The following USP9Y variants were observed in gnomAD, a reference collection of about 807,000 sequenced individuals.
USP9Y encodes the protein ubiquitin carboxyl-terminal hydrolase 9Y.
Under a neutral mutation model 53.1 loss-of-function variants are expected in USP9Y, and 41 were observed. That is an observed-to-expected ratio of 0.77 (90% CI 0.60 to 1.00). The LOEUF (loss-of-function observed/expected upper bound fraction) is 1.00, where lower values mean the gene tolerates loss of function less well. USP9Y is among the 50% of genes least tolerant of loss of function. The pLI is 0.00. For synonymous variants in USP9Y, 220 were observed against 173.7 expected (o/e 1.27, Z -2.09); for missense variants, 567 against 535.8 (o/e 1.06, Z -0.58).
intron 38 of USP9Y, among the ~76,000 whole-genome samples, chrY:12,842,679 G>A (rs941801415): frequency 1.8e-4 from 6 of 32,956 alleles, no homozygotes; most frequent in Non-Finnish European, 3.7e-4. Flanking sequence ...AATTCCTTTT[G>A]TGTATTCAAT....
intron 7 of USP9Y, 138 bp from the exon 8 acceptor site, chrY:12,735,474 G>C: frequency 7.5e-6 from 1 of 132,549 alleles, no homozygotes; most frequent in Non-Finnish European, 1.4e-5. Flanking sequence ...AACATGTCTT[G>C]TACTCTTTTT....
At chrY:12,842,991 A>G (rs2053563545) in intron 38 of USP9Y, 73 bp from the exon 39 acceptor site, 1 of 350,626 alleles carries the variant, frequency 2.9e-6, no homozygotes, top group African/African-American at 6.7e-5. Context: ...GTATAGGAAC[A>G]TAACCTTTTG....
intron 33 of USP9Y, among the ~76,000 whole-genome samples, chrY:12,823,710 TA>T (rs1190145206): frequency 3.0e-5 from 1 of 33,142 alleles, no homozygotes. Flanking sequence ...ACATAATAAA[TA>T]AAATTTTATA....
chrY:12,822,074 T>C (rs2148290243), intron 33 of USP9Y, among the ~76,000 whole-genome samples: 4 of 34,295 alleles, frequency 1.2e-4, no homozygotes, highest in African/African-American at 4.5e-4. Flanking sequence ...TCTTGAAATA[T>C]GTGAAGTGTA....
At chrY:12,762,740 A>G in intron 15 of USP9Y, among the ~76,000 whole-genome samples, 4 of 33,793 alleles carry the variant, frequency 1.2e-4, no homozygotes, top group Non-Finnish European at 2.2e-4. Context: ...AATACTTTCT[A>G]GAACATAGTA....
chrY:12,795,985 A>G (rs2148287489), intron 27 of USP9Y, among the ~76,000 whole-genome samples: 1 of 33,597 alleles, frequency 3.0e-5, no homozygotes, highest in East Asian at 7.9e-4. Flanking sequence ...ACCTGTGACC[A>G]TGTTAGCTAT....
In USP9Y at chrY:12,776,858, G is replaced by A. The variant is rs761097997; in HGVS notation, c.2637G>A (p.Ser879=). 2 of 388,764 alleles carry A rather than the reference G, an allele frequency of 5.1e-6. No individual in the cohort carries two copies. The highest frequency in any genetic ancestry group is 6.4e-5 in the African/African-American group (1 of 15,637). Residue 879 remains serine (S), a splice_region_variant and synonymous_variant, in exon 19 of 46, where the codon TCG becomes TCA. Coordinates refer to ENST00000338981, the MANE Select transcript of USP9Y (RefSeq NM_004654.4). ...AGGAAAGAATGATTCTACCTATGTCGAGGTTTGTGTGAAGTTGATCTCTAG... is the reference window on the plus strand; with the variant it reads ...AGGAAAGAATGATTCTACCTATGTCAAGGTTTGTGTGAAGTTGATCTCTAG... The part of the protein sequence containing the change: ...YHKERMILPM[S]RAFRGKHLSL...
At chrY:12,733,968 C>T in intron 7 of USP9Y, among the ~76,000 whole-genome samples, 2 of 33,591 alleles carry the variant, frequency 6.0e-5, no homozygotes, top group Admixed American at 2.7e-4. Flanking sequence ...TGAGACTTTC[C>T]GTGAGTCTTT....
intron 42 of USP9Y, among the ~76,000 whole-genome samples, chrY:12,855,765 T>A: frequency 3.1e-5 from 1 of 32,755 alleles, no homozygotes; most frequent in Non-Finnish European, 7.4e-5. Flanking sequence ...TAAAGAAGTC[T>A]TAAAAGACTA....
At chrY:12,760,904 T>A in intron 15 of USP9Y, among the ~76,000 whole-genome samples, 1 of 33,945 alleles carries the variant, frequency 2.9e-5, no homozygotes, top group Non-Finnish European at 7.3e-5. Context: ...CCTGTTAGTA[T>A]CTATGGTAGG....
chrY:12,772,698 G>C, intron 16 of USP9Y, among the ~76,000 whole-genome samples: 2 of 24,132 alleles, frequency 8.3e-5, no homozygotes, highest in African/African-American at 3.4e-4. Context: ...CCGGGAGGCA[G>C]AGGTTGCTGT....
At chrY:12,858,484 G>A (rs2053579859) in intron 45 of USP9Y, among the ~76,000 whole-genome samples, 2 of 31,157 alleles carry the variant, frequency 6.4e-5, no homozygotes, top group Middle Eastern at 0.015. Context: ...GCACCATCAC[G>A]CCCAGCTAAT....
chrY:12,750,554 A>G (rs2053463452), intron 12 of USP9Y, among the ~76,000 whole-genome samples: 1 of 33,282 alleles, frequency 3.0e-5, no homozygotes, highest in South Asian at 6.6e-4. Context: ...GATGCCTTTT[A>G]TTGGGTTTAG....
intron 45 of USP9Y, among the ~76,000 whole-genome samples, chrY:12,857,967 A>G (rs754933739): frequency 5.9e-5 from 2 of 33,734 alleles, no homozygotes; most frequent in South Asian, 1.3e-3. Context: ...CCCTTTTGCT[A>G]TTTGCTATGG....
chrY:12,786,159 CGT>C (rs2053501375), intron 22 of USP9Y, 42 bp from the exon 23 acceptor site: 1 of 383,077 alleles, frequency 2.6e-6, no homozygotes, highest in African/African-American at 6.5e-5. Context: ...ATTAATAACA[CGT>C]GAGTTACACT....
At chrY:12,829,007 A>G in intron 33 of USP9Y, among the ~76,000 whole-genome samples, 1 of 33,142 alleles carries the variant, frequency 3.0e-5, no homozygotes, top group Non-Finnish European at 7.5e-5. Context: ...TTTTTTTCCC[A>G]CAAGACCATG....
At chrY:12,812,226 C>A in intron 30 of USP9Y, among the ~76,000 whole-genome samples, 1 of 33,346 alleles carries the variant, frequency 3.0e-5, no homozygotes, top group African/African-American at 1.2e-4. Flanking sequence ...GATATTTTTT[C>A]TTTTTTCTTG....
At chrY:12,817,103 A>G (rs2053537262) in intron 32 of USP9Y, among the ~76,000 whole-genome samples, 1 of 33,455 alleles carries the variant, frequency 3.0e-5, no homozygotes, top group Non-Finnish European at 7.4e-5. Context: ...TACTAAAAAC[A>G]CAAAAATTAG....
intron 42 of USP9Y, among the ~76,000 whole-genome samples, chrY:12,854,131 C>T (rs2053573713): frequency 3.1e-5 from 1 of 32,671 alleles, no homozygotes; most frequent in African/African-American, 1.2e-4. Context: ...CAAAAGAACC[C>T]GAAAACAAAT....
Sources: allele counts gnomAD v4.1 joint callset (sites outside exome capture counted in the v4.1 genomes callset), GRCh38; gene constraint gnomAD v4.1.1; transcripts MANE v1.5; gene names NCBI Gene and HGNC (gene_info 2026-07-23, HGNC 2026-07-21).